ALPK2: variants seen among roughly 807,000 people sequenced by gnomAD.
ALPK2 encodes the protein alpha kinase 2.
In ALPK2, 127 loss-of-function variants were observed where a neutral mutation model predicts 163.1. That is an observed-to-expected ratio of 0.78 (90% CI 0.67 to 0.90). The LOEUF is 0.90. Among genes scored for constraint, ALPK2 ranks in the 40% least tolerant of loss-of-function variants. The pLI is 0.00. For missense variants in ALPK2, 2,360 were observed against 2,589.6 expected, an observed-to-expected ratio of 0.91 and a Z score of 1.92; for synonymous variants, 953 against 959.1, an observed-to-expected ratio of 0.99 and a Z score of 0.12.
chr18:58,511,591 C>CT (rs2144120310), intron 10 of ALPK2: 1 of 91,044 alleles, frequency 1.1e-5, no homozygotes, highest in South Asian at 6.0e-4. Flanking sequence ...TTAACTTGAG[C>CT]CAAAGGTGCT....
At chr18:58,502,182 A>G (rs200049857) in intron 11 of ALPK2, among the ~76,000 whole-genome samples, 10,486 of 144,336 alleles carry the variant, frequency 0.073, 682 homozygotes, top group East Asian at 0.34. Flanking sequence ...ACACACACAA[A>G]GAAAAAAAAA....
intron 8 of ALPK2, among the ~76,000 whole-genome samples, chr18:58,519,657 G>GA (rs925197214): frequency 3.5e-4 from 52 of 149,388 alleles, no homozygotes; most frequent in Non-Finnish European, 5.1e-4. Context: ...AAACATGAAA[G>GA]AAAAAAAAAA....
intron 4 of ALPK2, among the ~76,000 whole-genome samples, chr18:58,575,542 C>T (rs35599357): frequency 0.16 from 24,401 of 152,122 alleles, 2,166 homozygotes; most frequent in African/African-American, 0.22. Flanking sequence ...TGTGCAGGAG[C>T]ACAGACGCAG....
At chr18:58,526,325 A>G (rs1233865464) in intron 6 of ALPK2, among the ~76,000 whole-genome samples, 1 of 152,144 alleles carries the variant, frequency 6.6e-6, no homozygotes, top group African/African-American at 2.4e-5. Flanking sequence ...ATCCATCACC[A>G]GCCCTAAGGA....
intron 12 of ALPK2, among the ~76,000 whole-genome samples, chr18:58,491,714 G>A (rs2051375800): frequency 6.6e-6 from 1 of 152,146 alleles, no homozygotes; most frequent in East Asian, 1.9e-4. Context: ...CCATACAGCT[G>A]GCCCTATGTG....
intron 12 of ALPK2, among the ~76,000 whole-genome samples, chr18:58,491,072 C>T (rs541550702): frequency 4.5e-4 from 68 of 152,324 alleles, no homozygotes; most frequent in Middle Eastern, 3.4e-3. Context: ...GCTCTGATCC[C>T]CAAAGGGCTG....
chr18:58,566,437 C>CA (rs1175804300), intron 4 of ALPK2: 1 of 152,218 alleles, frequency 6.6e-6, no homozygotes, highest in Non-Finnish European at 1.5e-5. Flanking sequence ...TGGGTTAGTT[C>CA]AATGCTTTTT....
At chr18:58,492,534 C>T (rs1467366885) in intron 12 of ALPK2, among the ~76,000 whole-genome samples, 5 of 152,240 alleles carry the variant, frequency 3.3e-5, no homozygotes, top group Non-Finnish European at 5.9e-5. Context: ...GTCACCCCAA[C>T]CCTCTCAGCC....
chr18:58,618,781 C>T (rs897272937), intron 1 of ALPK2, among the ~76,000 whole-genome samples: 1 of 152,146 alleles, frequency 6.6e-6, no homozygotes, highest in African/African-American at 2.4e-5. Context: ...CCCCTTTCCC[C>T]CTGCACCCCT....
At chr18:58,612,968 C>G (rs2052141153) in intron 1 of ALPK2, among the ~76,000 whole-genome samples, 1 of 152,184 alleles carries the variant, frequency 6.6e-6, no homozygotes, top group African/African-American at 2.4e-5. Context: ...AATCCTGAAT[C>G]CAGGGATGCT....
chr18:58,588,331 CCAA>C (rs2051997335), intron 3 of ALPK2, among the ~76,000 whole-genome samples: 1 of 152,160 alleles, frequency 6.6e-6, no homozygotes, highest in South Asian at 2.1e-4. Context: ...TGCTAAGCCA[CCAA>C]CAGACTTACC....
In ALPK2 at chr18:58,538,147, C is replaced by T. The variant is rs774112916; in HGVS notation, c.2040G>A (p.Glu680=). 44 of 1,613,648 alleles carry T rather than the reference C, an allele frequency of 2.7e-5. No homozygotes were observed. Among genetic ancestry groups the T allele is most frequent in the Non-Finnish European group, 3.4e-5 (40 of 1,179,800 alleles). Residue 680 remains glutamate, a synonymous_variant, in exon 5 of 13, where the codon GAG becomes GAA. Coordinates refer to ENST00000361673, the MANE Select transcript of ALPK2 (RefSeq NM_052947.4). The part of the protein sequence containing the change: ...MPAFSEPAGE[E]SPFTGTTTIS... ...TTGTTGTGGTCCCAGTGAATGGGGA[C>T]TCCTCCCCAGCAGGCTCTGAGAAAG...
chr18:58,613,706 A>AT (rs2052147982), intron 1 of ALPK2, among the ~76,000 whole-genome samples: 5 of 86,782 alleles, frequency 5.8e-5, no homozygotes, highest in Admixed American at 4.2e-4. Context: ...CTCAAAAAAA[A>AT]AAAATAATAA....
At chr18:58,531,885 C>T (rs1445161675) in intron 5 of ALPK2, among the ~76,000 whole-genome samples, 3 of 119,276 alleles carry the variant, frequency 2.5e-5, no homozygotes, top group Non-Finnish European at 4.8e-5. Context: ...TGTAGTGAGC[C>T]GAGATTGCAC....
At chr18:58,493,636 C>G (rs2051386279) in intron 12 of ALPK2, among the ~76,000 whole-genome samples, 1 of 152,140 alleles carries the variant, frequency 6.6e-6, no homozygotes, top group South Asian at 2.1e-4. Flanking sequence ...CCCAATGGAG[C>G]CTGCTTTCTC....
chr18:58,500,210 A>T (rs574510827), intron 11 of ALPK2, among the ~76,000 whole-genome samples: 6 of 150,544 alleles, frequency 4.0e-5, no homozygotes, highest in African/African-American at 1.5e-4. Flanking sequence ...AATGCTTCAC[A>T]TAGCTTTTAT....
At chr18:58,623,412 C>T (rs539832446) in intron 1 of ALPK2, among the ~76,000 whole-genome samples, 132 of 152,136 alleles carry the variant, frequency 8.7e-4, no homozygotes, top group African/African-American at 3.1e-3. Context: ...TAAGGAACAT[C>T]ACATCCAATA....
At chr18:58,627,199 T>G (rs896454734) in intron 1 of ALPK2, among the ~76,000 whole-genome samples, 10 of 152,292 alleles carry the variant, frequency 6.6e-5, no homozygotes, top group East Asian at 1.9e-4. Context: ...TACACACAAG[T>G]GTTCAGGAGG....
intron 12 of ALPK2, among the ~76,000 whole-genome samples, chr18:58,494,872 C>G (rs916658715): frequency 2.0e-5 from 3 of 152,212 alleles, no homozygotes; most frequent in Non-Finnish European, 4.4e-5. Context: ...GAGCCCTTTC[C>G]AAGTCTGTCC....
Sources: allele counts gnomAD v4.1 joint callset (sites outside exome capture counted in the v4.1 genomes callset), GRCh38; gene constraint gnomAD v4.1.1; transcripts MANE v1.5; gene names NCBI Gene and HGNC (gene_info 2026-07-23, HGNC 2026-07-21).